SMYD3: variants seen among roughly 807,000 people sequenced by gnomAD.
SMYD3 encodes SET and MYND domain containing 3.
In SMYD3, 36 loss-of-function variants were observed where a neutral mutation model predicts 57.7. The ratio of observed to expected loss-of-function variants is 0.62; its 90% CI spans 0.48 to 0.82. The LOEUF (loss-of-function observed/expected upper bound fraction) is 0.82. SMYD3 is among the 40% of genes least tolerant of loss of function. The probability of loss-of-function intolerance (pLI) is 0.00; values close to 1 mark genes in which losing one functional copy is unlikely to be tolerated. For missense variants in SMYD3, 515 were observed against 538.8 expected (o/e 0.96, Z 0.44); for synonymous variants, 211 against 195.0 (o/e 1.08, Z -0.68).
At chr1:246,436,900 CTTT>C (rs61263648) in intron 1 of SMYD3, among the ~76,000 whole-genome samples, 3 of 128,422 alleles carry the variant, frequency 2.3e-5, no homozygotes, top group Admixed American at 8.1e-5. Flanking sequence ...GAGTTTCTTT[CTTT>C]TTTTTTTTTT....
chr1:246,495,348 C>CAAAAAAAAAAAA (rs11329443), intron 1 of SMYD3, among the ~76,000 whole-genome samples: 1 of 57,880 alleles, frequency 1.7e-5, no homozygotes, highest in African/African-American at 7.5e-5. Flanking sequence ...GACTCCGTCT[C>CAAAAAAAAAAAA]AAAAAAAAAA....
At chr1:245,881,012 C>T (rs1402457893) in intron 8 of SMYD3, among the ~76,000 whole-genome samples, 10 of 152,108 alleles carry the variant, frequency 6.6e-5, no homozygotes, top group Non-Finnish European at 4.4e-5. Context: ...CCTGGGTAGG[C>T]GGGCCTCTAA....
chr1:246,457,398 T>C (rs113868112), intron 1 of SMYD3, among the ~76,000 whole-genome samples: 2,613 of 151,960 alleles, frequency 0.017, 33 homozygotes, highest in Non-Finnish European at 0.024. Flanking sequence ...CCAGCCATGA[T>C]GGCAGGCACC....
chr1:246,490,288 C>T (rs1372101084), intron 1 of SMYD3, among the ~76,000 whole-genome samples: 1 of 152,110 alleles, frequency 6.6e-6, no homozygotes, highest in Non-Finnish European at 1.5e-5. Flanking sequence ...GTAGTACCAA[C>T]TAAGAGTGGT....
At chr1:246,367,595 G>C (rs935624906) in intron 1 of SMYD3, among the ~76,000 whole-genome samples, 12 of 152,094 alleles carry the variant, frequency 7.9e-5, no homozygotes, top group African/African-American at 2.4e-4. Context: ...AACACGCCCA[G>C]CTAATCTTTG....
At chr1:246,474,143 T>C (rs968412665) in intron 1 of SMYD3, among the ~76,000 whole-genome samples, 1 of 152,220 alleles carries the variant, frequency 6.6e-6, no homozygotes, top group Non-Finnish European at 1.5e-5. Flanking sequence ...CGGAGTGTTT[T>C]CAGCTTTTAC....
At chr1:246,479,455 A>C (rs967659913) in intron 1 of SMYD3, among the ~76,000 whole-genome samples, 2 of 150,142 alleles carry the variant, frequency 1.3e-5, no homozygotes, top group Non-Finnish European at 3.0e-5. Flanking sequence ...ATTGTGGATT[A>C]GGTGTTAAAA....
chr1:245,992,960 A>G (rs2058838583), intron 5 of SMYD3, among the ~76,000 whole-genome samples: 1 of 141,156 alleles, frequency 7.1e-6, no homozygotes, highest in African/African-American at 2.5e-5. Flanking sequence ...CACTTCTAGA[A>G]TGGCGGTCAT....
chr1:245,954,108 T>G (rs141101853), intron 5 of SMYD3, among the ~76,000 whole-genome samples: 75 of 152,334 alleles, frequency 4.9e-4, no homozygotes, highest in African/African-American at 1.5e-3. Context: ...GTAATTAAAT[T>G]ACAAATGCTC....
chr1:246,504,541 G>A (rs10218589), intron 1 of SMYD3, among the ~76,000 whole-genome samples: 71,197 of 152,014 alleles, frequency 0.47, 17,578 homozygotes, highest in African/African-American at 0.61. Context: ...CTGGTCTTTC[G>A]CTGACCAAAA....
chr1:246,153,067 A>G (rs1345053979), intron 5 of SMYD3, among the ~76,000 whole-genome samples: 1 of 152,168 alleles, frequency 6.6e-6, no homozygotes, highest in African/African-American at 2.4e-5. Context: ...GAACCGTATC[A>G]CATGGTGCAG....
intron 1 of SMYD3, among the ~76,000 whole-genome samples, chr1:246,466,158 T>C (rs1004178906): frequency 2.6e-5 from 4 of 152,208 alleles, no homozygotes; most frequent in African/African-American, 9.6e-5. Context: ...AAAACAGAAC[T>C]ATCATTTGAC....
chr1:246,241,884 G>A (rs2063618008), intron 5 of SMYD3, among the ~76,000 whole-genome samples: 1 of 152,124 alleles, frequency 6.6e-6, no homozygotes, highest in Admixed American at 6.6e-5. Flanking sequence ...TTGCATAGAG[G>A]TGTTTATAGT....
chr1:246,399,253 G>T (rs145428608), intron 1 of SMYD3, among the ~76,000 whole-genome samples: 11,503 of 152,048 alleles, frequency 0.076, 491 homozygotes, highest in Middle Eastern at 0.19. Context: ...TGAACTCATG[G>T]CCTCAAATGA....
intron 1 of SMYD3, among the ~76,000 whole-genome samples, chr1:246,476,704 A>G (rs1053081318): frequency 1.3e-5 from 2 of 152,246 alleles, no homozygotes; most frequent in African/African-American, 4.8e-5. Flanking sequence ...CCAACTAAAA[A>G]GAACTTGATT....
chr1:246,110,746 T>C (rs7541479), intron 5 of SMYD3, among the ~76,000 whole-genome samples: 24,827 of 152,252 alleles, frequency 0.16, 3,627 homozygotes, highest in African/African-American at 0.39. Flanking sequence ...TAGCTGTTTA[T>C]ATTACACATG....
At position 246,462,580 on chromosome 1, in the gene SMYD3, G is replaced by A. The variant is rs540967862; in HGVS notation, c.164+44474C>T. Among the ~76,000 whole-genome samples, 14 of 152,242 alleles carry A rather than the reference G, an allele frequency of 9.2e-5. No individual in the cohort carries two copies. The South Asian group carries it at 1.9e-3, about 20-fold the overall frequency. ...TCTGGGCGCATCCCTTGACCCCGAG[G>A]CTCGGAGGGCAGAAGAATCACCATC... On this transcript the variant is annotated intron_variant, in intron 1 of 11. Coordinates refer to ENST00000490107, the MANE Select transcript of SMYD3 (RefSeq NM_001167740.2).
intron 5 of SMYD3, among the ~76,000 whole-genome samples, chr1:245,994,822 G>T (rs2058890023): frequency 1.3e-5 from 2 of 152,024 alleles, no homozygotes; most frequent in African/African-American, 4.8e-5. Flanking sequence ...CTGTAAAAAG[G>T]ACACAGGTAA....
chr1:245,797,266 T>G (rs1475970345), intron 10 of SMYD3, among the ~76,000 whole-genome samples: 2 of 152,048 alleles, frequency 1.3e-5, no homozygotes, highest in African/African-American at 4.8e-5. Flanking sequence ...AGCAAAGACT[T>G]GGAACCAACC....
Sources: gnomAD v4.1 joint callset for allele counts (sites outside exome capture counted in the v4.1 genomes callset) on GRCh38, gnomAD v4.1.1 for gene constraint, MANE v1.5 for transcripts, NCBI Gene and HGNC (gene_info 2026-07-23, HGNC 2026-07-21) for gene names.